The following LAMA2 variants were observed in gnomAD, a reference collection of about 807,000 sequenced individuals.
The protein encoded by LAMA2 is laminin subunit alpha 2, also known as laminin subunit alpha-2.
In LAMA2, 269 loss-of-function variants were observed where a neutral mutation model predicts 364.8. The ratio of observed to expected loss-of-function variants is 0.74; its 90% CI spans 0.67 to 0.82. LAMA2 has a LOEUF of 0.82. Among genes scored for constraint, LAMA2 ranks in the 40% least tolerant of loss-of-function variants. The pLI, the probability that LAMA2 is intolerant of heterozygous loss-of-function variation, is 0.00. For synonymous variants in LAMA2, 1,379 were observed against 1,370.6 expected (o/e 1.01, Z -0.14); for missense variants, 3,807 against 3,873.2 (o/e 0.98, Z 0.45).
At chr6:129,396,615 A>G (rs1391521716) in intron 37 of LAMA2, among the ~76,000 whole-genome samples, 2 of 152,188 alleles carry the variant, frequency 1.3e-5, no homozygotes, top group Non-Finnish European at 2.9e-5. Context: ...GAGAGGGCTA[A>G]GGGAACTGGG....
At position 129,393,146 on chromosome 6, in the gene LAMA2, A is replaced by G; in HGVS notation, c.5336A>G (p.Tyr1779Cys). 2 of 1,614,084 alleles carry G rather than the reference A, an allele frequency of 1.2e-6. No homozygotes were observed. The highest frequency in any genetic ancestry group is 1.7e-6 in the Non-Finnish European group (2 of 1,179,966). ...EKDLREKLADYKNKVDDAWDL... is the reference protein window; with the variant it reads ...EKDLREKLADCKNKVDDAWDL... ...GATCTCCGGGAAAAACTGGCTGACT[A>G]CAAAAACAAAGTTGATGATGCTTGG... The change falls in exon 37 of 65, where the codon TAC becomes TGC. Residue 1779 changes from tyrosine to cysteine, a missense_variant. Coordinates refer to ENST00000421865, the MANE Select transcript of LAMA2 (RefSeq NM_000426.4).
At chr6:128,973,109 T>G (rs1263824877) in intron 1 of LAMA2, among the ~76,000 whole-genome samples, 1 of 152,124 alleles carries the variant, frequency 6.6e-6, no homozygotes, top group Non-Finnish European at 1.5e-5. Context: ...TTCCTAAAAT[T>G]GGTAATTCAA....
intron 28 of LAMA2, among the ~76,000 whole-genome samples, chr6:129,323,222 G>A (rs1355677203): frequency 6.6e-6 from 1 of 152,088 alleles, no homozygotes; most frequent in Non-Finnish European, 1.5e-5. Flanking sequence ...GGGCAGTTTT[G>A]AAATAATACA....
intron 1 of LAMA2, among the ~76,000 whole-genome samples, chr6:128,913,175 C>T (rs757802280): frequency 4.6e-4 from 70 of 152,294 alleles, no homozygotes; most frequent in Middle Eastern, 3.4e-3. Flanking sequence ...CTGCAGAGTA[C>T]AGTCACTGGC....
intron 61 of LAMA2, among the ~76,000 whole-genome samples, 195 bp downstream of exon 61, chr6:129,505,550 C>A (rs1338152917): frequency 6.6e-6 from 1 of 152,012 alleles, no homozygotes; most frequent in Admixed American, 6.6e-5. Flanking sequence ...GCTCTGTCGC[C>A]CAGGCTGGAG....
intron 48 of LAMA2, among the ~76,000 whole-genome samples, chr6:129,458,682 C>T (rs1358433346): frequency 1.3e-5 from 2 of 151,914 alleles, no homozygotes; most frequent in East Asian, 1.9e-4. Flanking sequence ...TCTTTCTATG[C>T]GGCTGTGCAA....
At chr6:129,303,136 A>T (rs1773651873) in intron 22 of LAMA2, among the ~76,000 whole-genome samples, 2 of 152,088 alleles carry the variant, frequency 1.3e-5, no homozygotes, top group Admixed American at 6.5e-5. Context: ...TTTTCTCAGA[A>T]ATGTTTGTAG....
intron 1 of LAMA2, among the ~76,000 whole-genome samples, chr6:129,040,027 G>A (rs906900558): frequency 3.3e-5 from 5 of 152,136 alleles, no homozygotes; most frequent in East Asian, 1.9e-4. Flanking sequence ...GGCGGGGAGC[G>A]GTGTGTGTAG....
intron 1 of LAMA2, among the ~76,000 whole-genome samples, chr6:128,966,273 A>C (rs1430255580): frequency 6.6e-6 from 1 of 151,980 alleles, no homozygotes; most frequent in African/African-American, 2.4e-5. Flanking sequence ...TACATTTTAA[A>C]ATGTTGTGAC....
intron 30 of LAMA2, among the ~76,000 whole-genome samples, chr6:129,348,700 A>G (rs963062502): frequency 5.3e-5 from 8 of 152,264 alleles, no homozygotes; most frequent in Admixed American, 5.2e-4. Flanking sequence ...TTCATAGAAA[A>G]AGCTTTCCCT....
intron 45 of LAMA2, among the ~76,000 whole-genome samples, chr6:129,448,309 A>AG (rs756374011): frequency 2.4e-4 from 36 of 152,224 alleles, no homozygotes; most frequent in Admixed American, 1.6e-3. Context: ...GAAGAAAAAA[A>AG]GAAAGGTACA....
At chr6:129,424,050 A>T (rs1781207635) in intron 40 of LAMA2, among the ~76,000 whole-genome samples, 1 of 152,076 alleles carries the variant, frequency 6.6e-6, no homozygotes, top group South Asian at 2.1e-4. Flanking sequence ...ATTAGAATAG[A>T]TTAAAGAGTC....
At position 129,199,727 on chromosome 6, in the gene LAMA2, A is replaced by G. The variant is rs78063861; in HGVS notation, c.1782+6874A>G. Reference sequence around the variant, plus strand: ...AAGAGGCCATGTATAATAGCAATACATATAAATAGTACCAAGGATTAAATT... The same window carrying G: ...AAGAGGCCATGTATAATAGCAATACGTATAAATAGTACCAAGGATTAAATT... On this transcript the variant is annotated intron_variant, in intron 12 of 64. Transcript: ENST00000421865. Among the ~76,000 whole-genome samples the G allele has an allele frequency of 7.9e-3, 1,210 of 152,296 alleles. 15 individuals carry two copies. Among genetic ancestry groups the G allele is most frequent in the African/African-American group, 0.028 (1,147 of 41,574 alleles).
chr6:129,310,032 T>C (rs1774118253), intron 22 of LAMA2, among the ~76,000 whole-genome samples: 1 of 150,972 alleles, frequency 6.6e-6, no homozygotes, highest in African/African-American at 2.4e-5. Context: ...CCCGAGTAGC[T>C]GGGACTACAG....
intron 1 of LAMA2, among the ~76,000 whole-genome samples, chr6:128,932,051 A>G (rs1045952987): frequency 4.6e-5 from 7 of 151,904 alleles, no homozygotes; most frequent in Non-Finnish European, 8.8e-5. Flanking sequence ...AAGGAAAAAA[A>G]CCTCTCACAA....
chr6:129,221,533 T>C (rs1451367859), intron 12 of LAMA2, among the ~76,000 whole-genome samples: 2 of 152,130 alleles, frequency 1.3e-5, no homozygotes, highest in African/African-American at 4.8e-5. Context: ...GAATAGCAAA[T>C]CAGTATCATT....
chr6:129,499,283 T>C (rs1403865033), intron 58 of LAMA2, among the ~76,000 whole-genome samples: 1 of 152,168 alleles, frequency 6.6e-6, no homozygotes, highest in East Asian at 1.9e-4. Context: ...TTTATTATTA[T>C]TGTTGTTTTA....
At chr6:129,280,952 TC>T (rs1263125044) in intron 18 of LAMA2, among the ~76,000 whole-genome samples, 1 of 152,142 alleles carries the variant, frequency 6.6e-6, no homozygotes, top group Non-Finnish European at 1.5e-5. Flanking sequence ...GAGGGCTGTT[TC>T]TGCCCGTCTT....
chr6:128,989,602 G>T (rs9482972), intron 1 of LAMA2, among the ~76,000 whole-genome samples: 3,035 of 152,172 alleles, frequency 0.02, 114 homozygotes, highest in African/African-American at 0.07. Context: ...GCATACAAAG[G>T]GCTTGGCACA....
Sources: allele counts gnomAD v4.1 joint callset (sites outside exome capture counted in the v4.1 genomes callset), GRCh38; gene constraint gnomAD v4.1.1; transcripts MANE v1.5; gene names NCBI Gene and HGNC (gene_info 2026-07-23, HGNC 2026-07-21).